Variants in OR2J3 observed in about 807,000 individuals in gnomAD.
The protein encoded by OR2J3 is olfactory receptor family 2 subfamily J member 3.
A neutral mutation model predicts 18.5 loss-of-function variants in OR2J3; 13 were observed. The ratio of observed to expected loss-of-function variants is 0.70; its 90% CI spans 0.46 to 1.12. The LOEUF is 1.12. Ranked by LOEUF, OR2J3 falls within the 50% of genes most tolerant of loss-of-function variation. The probability of loss-of-function intolerance (pLI) is 0.00; values close to 1 mark genes in which losing one functional copy is unlikely to be tolerated. For missense variants in OR2J3, 321 were observed against 371.6 expected (o/e 0.86, Z 1.12); for synonymous variants, 142 against 140.6 (o/e 1.01, Z -0.07).
rs1762195931 is a variant in OR2J3 at position 29,112,734 on chromosome 6, A to G, written c.844A>G (p.Thr282Ala). Residue 282 changes from threonine to alanine, a missense_variant, in exon 4 of 4, where the codon ACT becomes GCT. Transcript: ENST00000641151. ...DQGKFIALFY[T>A]VVTPSLNPLI... ...AGGCAAGTTCATTGCCCTCTTTTATACTGTTGTCACACCTAGTCTTAACCC... is the reference window on the plus strand; with the variant it reads ...AGGCAAGTTCATTGCCCTCTTTTATGCTGTTGTCACACCTAGTCTTAACCC... 6.2e-7 allele frequency: 1 copy of G among 1,614,016 alleles called. No homozygotes were observed. Among genetic ancestry groups the G allele is most frequent in the Non-Finnish European group, 8.5e-7 (1 of 1,179,978 alleles).
At position 29,112,093 on chromosome 6, in the gene OR2J3, A is replaced by C; in HGVS notation, c.203A>C (p.Asn68Thr). 6.2e-7 allele frequency: 1 copy of C among 1,613,518 alleles called. No individual in the cohort carries two copies. Among genetic ancestry groups the C allele is most frequent in the Non-Finnish European group, 8.5e-7 (1 of 1,179,890 alleles). Residue 68 changes from asparagine (N) to threonine (T), a missense_variant, in exon 4 of 4, where the codon AAC becomes ACC. Physicochemically the swap from Asn to Thr is moderately conservative, Grantham distance 65. Transcript: ENST00000641151. Reference sequence around the variant, plus strand: ...ACACCAATGTACTTCTTCCTTTCAAACCTCTCATTTCTGGATCTCTGCTAC... The same window carrying C: ...ACACCAATGTACTTCTTCCTTTCAACCCTCTCATTTCTGGATCTCTGCTAC... ...LHTPMYFFLS[N>T]LSFLDLCYTT...
chr6:29,110,182 A>G (rs1369954246), intron 3 of OR2J3, among the ~76,000 whole-genome samples: 1 of 152,182 alleles, frequency 6.6e-6, no homozygotes, highest in Non-Finnish European at 1.5e-5. Flanking sequence ...TCCTTTAGAA[A>G]GCATTCTATC....
Position 29,112,923 on chromosome 6 carries a change from C to G in OR2J3, c.*97C>G, listed in dbSNP as rs771374423. ...TCAACCATTCTTTTATTCACTCACT[C>G]TGTTAGCACTTGCTGAGCATGTACT... On this transcript the variant is annotated 3_prime_UTR_variant, in exon 4 of 4. Transcript: ENST00000641151. 5.7e-5 allele frequency: 79 copies of G among 1,395,676 alleles called. No homozygotes were observed. The African/African-American group carries it at 8.9e-4, about 16-fold the overall frequency. The allele number at this position is 1,395,676 out of a possible 1,614,324, so 86.5% of individuals were successfully genotyped here.
At chr6:29,111,233 T>C (rs1762115642) in intron 3 of OR2J3, among the ~76,000 whole-genome samples, 1 of 152,182 alleles carries the variant, frequency 6.6e-6, no homozygotes, top group Non-Finnish European at 1.5e-5. Context: ...TTGATACTTT[T>C]CTGAATTGTA....
In OR2J3 at chr6:29,112,705, A is replaced by G. The variant is rs200290339; in HGVS notation, c.815A>G (p.Asp272Gly). The change falls in exon 4 of 4, where the codon GAT becomes GGT. Residue 272 changes from aspartate (D) to glycine (G), a missense_variant. By Grantham distance (94) the Asp-to-Gly change is moderately conservative (BLOSUM62 -1). Coordinates refer to ENST00000641151, the MANE Select transcript of OR2J3 (RefSeq NM_001005216.4). Reference sequence around the variant, plus strand: ...CAGCCACCATCAGGAAATTCTCAAGATCAAGGCAAGTTCATTGCCCTCTTT... The same window carrying G: ...CAGCCACCATCAGGAAATTCTCAAGGTCAAGGCAAGTTCATTGCCCTCTTT... Reference protein sequence around the residue: ...YLQPPSGNSQDQGKFIALFYT... With the variant: ...YLQPPSGNSQGQGKFIALFYT... 137 of 1,614,090 alleles carry G rather than the reference A, an allele frequency of 8.5e-5. No homozygotes were observed. The African/African-American group carries it at 1.5e-3, about 17-fold the overall frequency.
intron 2 of OR2J3, 53 bp from the exon 3 acceptor site, chr6:29,108,771 C>A (rs1762017728): frequency 6.6e-6 from 1 of 152,288 alleles, no homozygotes; most frequent in African/African-American, 2.4e-5. Context: ...TTTGATATGG[C>A]TTTTGATAAG....
rs551099543 is a variant in OR2J3 at position 29,112,086 on chromosome 6, C to T, written c.196C>T (p.Leu66Phe). ...TCTGCACACACCAATGTACTTCTTC[C>T]TTTCAAACCTCTCATTTCTGGATCT... ...SHLHTPMYFF[L>F]SNLSFLDLCY... The change falls in exon 4 of 4, where the codon CTT becomes TTT. Residue 66 changes from leucine to phenylalanine, a missense_variant. Leu to Phe is a conservative substitution (Grantham distance 22, BLOSUM62 0). Coordinates refer to ENST00000641151, the MANE Select transcript of OR2J3 (RefSeq NM_001005216.4). 5.9e-5 allele frequency: 95 copies of T among 1,614,140 alleles called. No homozygotes were observed. The highest frequency in any genetic ancestry group is 7.8e-5 in the Non-Finnish European group (92 of 1,180,034).
Position 29,108,081 on chromosome 6 carries a change from T to C in OR2J3, c.-395T>C, listed in dbSNP as rs2150949401. 1 of 152,312 alleles carries C rather than the reference T, an allele frequency of 6.6e-6. No homozygotes were observed. Among genetic ancestry groups the C allele is most frequent in the Non-Finnish European group, 1.5e-5 (1 of 68,022 alleles). 9.4% of individuals were successfully genotyped at this position (152,312 alleles called of 1,614,324 possible). On this transcript the variant is annotated 5_prime_UTR_variant, in exon 1 of 4. Transcript: ENST00000641151. ...AGAGCTTTCTCTTCTGTAGCAATGA[T>C]AGTCATAGCTACATTCAGACTGTTT...
chr6:29,112,592 C>T lies in OR2J3; in HGVS notation c.702C>T (p.Thr234=), dbSNP rs1467256696. The T allele has an allele frequency of 2.5e-6, 4 of 1,613,960 alleles. No individual in the cohort carries two copies. Among genetic ancestry groups the T allele is most frequent in the African/African-American group, 1.3e-5 (1 of 74,908 alleles). The change falls in exon 4 of 4, where the codon ACC becomes ACT. Residue 234 remains threonine, a synonymous_variant. Coordinates refer to ENST00000641151, the MANE Select transcript of OR2J3 (RefSeq NM_001005216.4). ...GAGCTATACTGAGGATGCAGTCAAC[C>T]ACTGGGCTTCAGAAAGTGTTTGGAA... ...IVRAILRMQS[T]TGLQKVFGTC...
chr6:29,112,420 T>C lies in OR2J3; in HGVS notation c.530T>C (p.Val177Ala), dbSNP rs763950021. ...FWVPLCGHRQ[V>A]DHFFCEVPAL... ...GTACCTCTGTGTGGACACCGCCAAG[T>C]AGATCACTTTTTCTGTGAAGTTCCA... Residue 177 changes from valine (V) to alanine (A), a missense_variant, in exon 4 of 4, where the codon GTA (valine) becomes GCA (alanine). Physicochemically the swap from Val to Ala is moderately conservative, Grantham distance 64. Transcript: ENST00000641151. 6 of 1,614,122 alleles carry C rather than the reference T, an allele frequency of 3.7e-6. No homozygotes were observed. The East Asian group carries it at 6.7e-5, about 18-fold the overall frequency.
chr6:29,112,955 A>C lies in OR2J3; in HGVS notation c.*129A>C, dbSNP rs1762206806. On this transcript the variant is annotated 3_prime_UTR_variant, in exon 4 of 4. Transcript: ENST00000641151. ...CACTTGCTGAGCATGTACTCTAACAAGGTCGTGGAGTTCCTGGTAACAGGT... is the reference window on the plus strand; with the variant it reads ...CACTTGCTGAGCATGTACTCTAACACGGTCGTGGAGTTCCTGGTAACAGGT... 4 of 1,150,590 alleles carry C rather than the reference A, an allele frequency of 3.5e-6. No homozygotes were observed. The South Asian group carries it at 6.6e-5, about 19-fold the overall frequency. The allele number at this position is 1,150,590 out of a possible 1,614,324, so 71.3% of individuals were successfully genotyped here. A position where few individuals can be genotyped will look rare whatever the true frequency, so the allele number is the denominator to read the frequency against.
Position 29,114,209 on chromosome 6 carries a change from A to G in OR2J3, c.*1383A>G, listed in dbSNP as rs1762250384. The G allele has an allele frequency of 6.6e-6, 1 of 152,174 alleles. No homozygotes were observed. Among genetic ancestry groups the G allele is most frequent in the African/African-American group, 2.4e-5 (1 of 41,438 alleles). 9.4% of individuals were successfully genotyped at this position (152,174 alleles called of 1,614,324 possible). On this transcript the variant is annotated 3_prime_UTR_variant, in exon 4 of 4. Transcript: ENST00000641151. ...CTTTATTTCTAACTAGGCATGAAAA[A>G]TATGAGGCATGTGCCCTTGTCCTTA... is the stretch of plus-strand genomic sequence containing the variant.
In OR2J3 at chr6:29,113,590, A is replaced by G. The variant is rs555567287; in HGVS notation, c.*764A>G. The G allele has an allele frequency of 2.6e-5, 4 of 152,324 alleles. No individual in the cohort carries two copies. The highest frequency in any genetic ancestry group is 1.9e-4 in the East Asian group (1 of 5,190). 9.4% of individuals were successfully genotyped at this position (152,324 alleles called of 1,614,324 possible). On this transcript the variant is annotated 3_prime_UTR_variant, in exon 4 of 4. Coordinates refer to ENST00000641151, the MANE Select transcript of OR2J3 (RefSeq NM_001005216.4). The stretch of plus-strand genomic sequence containing the variant: ...TGAGGTAAGTGCTTGGAGCAACTGC[A>G]TTACCTAAGGAACTAAGGAAAACAT...
At position 29,113,177 on chromosome 6, in the gene OR2J3, A is replaced by G. The variant is rs1581916909; in HGVS notation, c.*351A>G. ...AAGCGAAGCTGTAAATCCTATGAAA[A>G]GATGATACTCTCAATTTAAAAATCT... On this transcript the variant is annotated 3_prime_UTR_variant, in exon 4 of 4. Transcript: ENST00000641151. 4.4e-6 allele frequency: 1 copy of G among 226,008 alleles called. No individual in the cohort carries two copies. Among genetic ancestry groups the G allele is most frequent in the East Asian group, 9.3e-5 (1 of 10,740 alleles). The allele number at this position is 226,008 out of a possible 1,614,324, so 14.0% of individuals were successfully genotyped here.
In OR2J3 at chr6:29,111,871, T is replaced by G. The variant is rs1176387212; in HGVS notation, c.-10-10T>G. 6.4e-7 allele frequency: 1 copy of G among 1,565,160 alleles called. No individual in the cohort carries two copies. The highest frequency in any genetic ancestry group is 1.4e-5 in the African/African-American group (1 of 72,698). On this transcript the variant is annotated splice_polypyrimidine_tract_variant and intron_variant, in intron 3 of 3. Transcript: ENST00000641151. Reference sequence around the variant, plus strand: ...GTTTTTTGAGTTTACCTTTCTTTTTTTTCTCTCAGGTAATAGGAAATGAAT... The same window carrying G: ...GTTTTTTGAGTTTACCTTTCTTTTTGTTCTCTCAGGTAATAGGAAATGAAT...
Position 29,108,819 on chromosome 6 carries a change from A to T in OR2J3, c.-62-5A>T, listed in dbSNP as rs184632015. On this transcript the variant is annotated splice_polypyrimidine_tract_variant and splice_region_variant and intron_variant, in intron 2 of 3. Coordinates refer to ENST00000641151, the MANE Select transcript of OR2J3 (RefSeq NM_001005216.4). ...TGATAAGGCTTTTATTTTCTGCTCC[A>T]CCAGGAAGAAGAAAATTAACCCAGA... The T allele has an allele frequency of 1.0e-3, 155 of 152,234 alleles. 1 individual carries two copies. Among genetic ancestry groups the T allele is most frequent in the Admixed American group, 8.8e-3 (135 of 15,290 alleles). 9.4% of individuals were successfully genotyped at this position (152,234 alleles called of 1,614,324 possible). A position where few individuals can be genotyped will look rare whatever the true frequency, so the allele number is the denominator to read the frequency against.
At position 29,112,820 on chromosome 6, in the gene OR2J3, G is replaced by A; in HGVS notation, c.930G>A (p.Trp310Ter). 3.7e-6 allele frequency: 6 copies of A among 1,611,206 alleles called. No individual in the cohort carries two copies. The highest frequency in any genetic ancestry group is 1.1e-5 in the South Asian group (1 of 90,682). ...GGGCAGTGAAGAGACTAATGGGGTGGGAATGAGCCTGTGTATGTGTCATAT... is the reference window on the plus strand; with the variant it reads ...GGGCAGTGAAGAGACTAATGGGGTGAGAATGAGCCTGTGTATGTGTCATAT... ...VRGAVKRLMGWE is the reference protein window; with the variant it reads ...VRGAVKRLMG Residue 310 changes from tryptophan to a stop codon, truncating the protein, a stop_gained, in exon 4 of 4, where the codon TGG (tryptophan) becomes TGA (stop). Coordinates refer to ENST00000641151, the MANE Select transcript of OR2J3 (RefSeq NM_001005216.4). LOFTEE classifies it high-confidence loss of function.
In OR2J3 at chr6:29,112,214, C is replaced by T. The variant is rs774660044; in HGVS notation, c.324C>T (p.Leu108=). The T allele has an allele frequency of 3.8e-5, 61 of 1,614,036 alleles. 1 individual carries two copies. Among genetic ancestry groups the T allele is most frequent in the African/African-American group, 1.5e-4 (11 of 74,918 alleles). Residue 108 remains leucine (L), a synonymous_variant, in exon 4 of 4, where the codon CTC becomes CTT. Transcript: ENST00000641151. The stretch of plus-strand genomic sequence containing the variant: ...GCATGATTCAACTTTACTTTGTTCT[C>T]GCACTGGGAACCACAGAGTGTGTCC... ...AGCMIQLYFV[L]ALGTTECVLL...
Position 29,112,583 on chromosome 6 carries a change from G to A in OR2J3, c.693G>A (p.Met231Ile). 1.2e-6 allele frequency: 2 copies of A among 1,614,068 alleles called. No individual in the cohort carries two copies. Among genetic ancestry groups the A allele is most frequent in the Non-Finnish European group, 1.7e-6 (2 of 1,179,966 alleles). ...YGAIVRAILR[M>I]QSTTGLQKVF... ...CCATCGTCCGAGCTATACTGAGGATGCAGTCAACCACTGGGCTTCAGAAAG... is the reference window on the plus strand; with the variant it reads ...CCATCGTCCGAGCTATACTGAGGATACAGTCAACCACTGGGCTTCAGAAAG... The change falls in exon 4 of 4, where the codon ATG becomes ATA. Residue 231 changes from methionine (M) to isoleucine (I), a missense_variant. Coordinates refer to ENST00000641151, the MANE Select transcript of OR2J3 (RefSeq NM_001005216.4).
Sources: allele counts gnomAD v4.1 joint callset (sites outside exome capture counted in the v4.1 genomes callset), GRCh38; gene constraint gnomAD v4.1.1; transcripts MANE v1.5; gene names NCBI Gene and HGNC (gene_info 2026-07-23, HGNC 2026-07-21).